The following KMT2C variants were observed in gnomAD, a reference collection of about 807,000 sequenced individuals.
KMT2C encodes the protein histone-lysine N-methyltransferase 2C.
Under a neutral mutation model 507.9 loss-of-function variants are expected in KMT2C, and 88 were observed. The observed-to-expected ratio is 0.17, with a 90% CI of 0.15 to 0.21. KMT2C has a LOEUF of 0.21. Among genes scored for constraint, KMT2C ranks in the 10% least tolerant of loss-of-function variants. KMT2C has a pLI of 1.00. For synonymous variants in KMT2C, 2,049 were observed against 2,080.8 expected (o/e 0.98, Z 0.42); for missense variants, 4,954 against 5,957.8 (o/e 0.83, Z 5.55).
At chr7:152,214,180 A>C (rs957647936) in intron 23 of KMT2C, among the ~76,000 whole-genome samples, 1 of 151,956 alleles carries the variant, frequency 6.6e-6, no homozygotes, top group Non-Finnish European at 1.5e-5. Flanking sequence ...AAAAAAAAAA[A>C]CTACCACCAT....
At chr7:152,157,270 G>A (rs952316845) in intron 44 of KMT2C, among the ~76,000 whole-genome samples, 1 of 150,484 alleles carries the variant, frequency 6.6e-6, no homozygotes, top group Non-Finnish European at 1.5e-5. Flanking sequence ...AGAGATTGCA[G>A]GGAGCTGAGA....
intron 33 of KMT2C, 75 bp downstream of exon 33, chr7:152,187,187 T>C (rs1428820719): frequency 2.3e-5 from 27 of 1,173,512 alleles, no homozygotes; most frequent in South Asian, 6.5e-5. Flanking sequence ...TACCTTTCTA[T>C]TGCAGTTAAA....
At chr7:152,150,164 T>C (rs565757353) in intron 51 of KMT2C, among the ~76,000 whole-genome samples, 28 of 152,298 alleles carry the variant, frequency 1.8e-4, no homozygotes, top group Non-Finnish European at 3.7e-4. Context: ...TATCAACCAT[T>C]AGTTGGACAC....
In KMT2C at chr7:152,163,242, C is replaced by CCTA. The variant is rs1381682036; in HGVS notation, c.10332_10334dup (p.Ser3444dup). 1.2e-6 allele frequency: 2 copies of CCTA among 1,614,022 alleles called. No individual in the cohort carries two copies. Among genetic ancestry groups the CCTA allele is most frequent in the East Asian group, 2.2e-5 (1 of 44,898 alleles). ...AGAAGGGAATCTGGGACACAGATGT[C>CCTA]CTACTACTACTTATCTCAGAGCCCA... On this transcript the variant is annotated inframe_insertion, in exon 43 of 59. Transcript: ENST00000262189.
chr7:152,148,630 C>T lies in KMT2C; in HGVS notation c.13297G>A (p.Ala4433Thr), dbSNP rs759582255. Residue 4433 changes from alanine to threonine, a missense_variant, in exon 52 of 59, where the codon GCT (alanine) becomes ACT (threonine). By Grantham distance (58) the Ala-to-Thr change is moderately conservative. Transcript: ENST00000262189. This position sits in a 1 kb window ranked among gnomAD's most constrained non-coding sequence, Gnocchi z 7.1. ...TCATAGACCTCCGTGGACCACAGAG[C>T]GCAGTTCAAGTGGACCCACAGATCC... ...DLDLWVHLNC[A>T]LWSTEVYETQ... 3 of 1,614,044 alleles carry T rather than the reference C, an allele frequency of 1.9e-6. No homozygotes were observed. The highest frequency in any genetic ancestry group is 2.7e-5 in the African/African-American group (2 of 74,910).
At chr7:152,204,590 CCTAGATAGATAGATAG>C (rs1395997393) in intron 25 of KMT2C, among the ~76,000 whole-genome samples, 4 of 116,262 alleles carry the variant, frequency 3.4e-5, no homozygotes, top group Non-Finnish European at 7.1e-5. Flanking sequence ...TAGTGAGACC[CCTAGATAGATAGATAG>C]ATAGATAGAT....
intron 34 of KMT2C, among the ~76,000 whole-genome samples, chr7:152,185,045 C>T (rs1435159719): frequency 6.6e-6 from 1 of 152,236 alleles, no homozygotes; most frequent in Non-Finnish European, 1.5e-5. Flanking sequence ...GTGTGGGTCA[C>T]TGTGCCTGGC....
Position 152,181,005 on chromosome 7 carries a change from G to A in KMT2C, c.6855C>T (p.Asp2285=), listed in dbSNP as rs376757060. 28 of 1,614,042 alleles carry A rather than the reference G, an allele frequency of 1.7e-5. No homozygotes were observed. The highest frequency in any genetic ancestry group is 2.3e-5 in the Non-Finnish European group (27 of 1,180,042). Residue 2285 remains aspartate (D), a synonymous_variant, in exon 36 of 59, where the codon GAC becomes GAT. Transcript: ENST00000262189. ...TPRPPGPGLS[D]TFSRVSPSAA... ...CAGATGGGGAAACACGGCTAAATGT[G>A]TCTGAAAGACCAGGTCCAGGGGGCC...
intron 6 of KMT2C, among the ~76,000 whole-genome samples, chr7:152,306,548 T>C (rs1006386220): frequency 6.6e-6 from 1 of 152,198 alleles, no homozygotes; most frequent in Non-Finnish European, 1.5e-5. Flanking sequence ...TTCCAATATT[T>C]CGCAAATTAA....
chr7:152,359,021 T>C (rs753244355), intron 1 of KMT2C, among the ~76,000 whole-genome samples: 2 of 152,208 alleles, frequency 1.3e-5, no homozygotes, highest in Non-Finnish European at 2.9e-5. Flanking sequence ...CATAATGGGT[T>C]CTTCACAAAG....
intron 1 of KMT2C, among the ~76,000 whole-genome samples, chr7:152,373,261 C>A (rs2097305211): frequency 6.6e-6 from 1 of 152,150 alleles, no homozygotes; most frequent in Admixed American, 6.6e-5. Context: ...ATTACTGTCT[C>A]TTTAGCTGTA....
rs748067955 is a variant in KMT2C, at chr7:152,176,648, C to T, written c.8805G>A (p.Ser2935=). The T allele has an allele frequency of 6.2e-6, 10 of 1,613,972 alleles. No homozygotes were observed. Among genetic ancestry groups the T allele is most frequent in the South Asian group, 5.5e-5 (5 of 91,076 alleles). The change falls in exon 38 of 59, where the codon TCG becomes TCA. Residue 2935 remains serine (S), a synonymous_variant. Coordinates refer to ENST00000262189, the MANE Select transcript of KMT2C (RefSeq NM_170606.3). ...GCAGAGTTGGTGGTGGTGGAGACCCCGATGGCCTAATGTCTGAATTATCAG... is the reference window on the plus strand; with the variant it reads ...GCAGAGTTGGTGGTGGTGGAGACCCTGATGGCCTAATGTCTGAATTATCAG... ...EKSDNSDIRP[S]GSPPPPTLPA...
chr7:152,177,040 C>T lies in KMT2C; in HGVS notation c.8413G>A (p.Val2805Ile), dbSNP rs2129114103. Residue 2805 changes from valine (V) to isoleucine (I), a missense_variant, in exon 38 of 59, where the codon GTT becomes ATT. Physicochemically the swap from Val to Ile is conservative, Grantham distance 29. Around this residue, in one of 29 missense-constraint regions of KMT2C, gnomAD observed 1,689 missense variants for 1,654.3 expected, o/e 1.02. Transcript: ENST00000262189. ...KKKEQENKTLVLSDKHSPQKK... is the reference protein window; with the variant it reads ...KKKEQENKTLILSDKHSPQKK... ...TGTGGTGAATGTTTATCAGAGAGAA[C>T]CAGAGTTTTGTTTTCTTGTTCCTTT... is the stretch of plus-strand genomic sequence containing the variant. 1.2e-6 allele frequency: 2 copies of T among 1,612,986 alleles called. No homozygotes were observed. Among genetic ancestry groups the T allele is most frequent in the Non-Finnish European group, 1.7e-6 (2 of 1,179,832 alleles).
intron 9 of KMT2C, among the ~76,000 whole-genome samples, chr7:152,254,370 A>C (rs1354646156): frequency 6.6e-6 from 1 of 152,234 alleles, no homozygotes; most frequent in Non-Finnish European, 1.5e-5. Context: ...CACATTAAGA[A>C]AATAATAACT....
intron 16 of KMT2C, 43 bp downstream of exon 16, chr7:152,235,770 TTAAC>T (rs1288845225): frequency 1.6e-6 from 2 of 1,224,964 alleles, no homozygotes; most frequent in Non-Finnish European, 1.2e-6. Flanking sequence ...ATTTTCATCA[TTAAC>T]TGACATTTAG....
chr7:152,355,414 TAG>T (rs2097143611), intron 2 of KMT2C, among the ~76,000 whole-genome samples: 1 of 152,150 alleles, frequency 6.6e-6, no homozygotes, highest in African/African-American at 2.4e-5. Flanking sequence ...GACGTAATTT[TAG>T]AGTCATTAGC....
At chr7:152,358,285 C>T (rs1233438093) in intron 2 of KMT2C, among the ~76,000 whole-genome samples, 1 of 151,982 alleles carries the variant, frequency 6.6e-6, no homozygotes, top group Non-Finnish European at 1.5e-5. Context: ...CCAGAATATA[C>T]TATGAGCGAT....
chr7:152,342,562 A>G (rs1468438561), intron 2 of KMT2C, among the ~76,000 whole-genome samples: 2 of 152,236 alleles, frequency 1.3e-5, no homozygotes, highest in African/African-American at 4.8e-5. Context: ...AGGAATAGAC[A>G]TGAATCACAA....
intron 6 of KMT2C, among the ~76,000 whole-genome samples, chr7:152,297,060 AGAGAGAG>A (rs1563767761): frequency 7.3e-4 from 71 of 97,578 alleles, no homozygotes; most frequent in African/African-American, 3.7e-3. Context: ...AAAGACAGAG[AGAGAGAG>A]AGAGAGAGAG....
Sources: allele counts gnomAD v4.1 joint callset (sites outside exome capture counted in the v4.1 genomes callset), GRCh38; gene constraint gnomAD v4.1.1; regional missense constraint gnomAD v4.1.1; non-coding constraint Gnocchi (gnomAD v3.1); transcripts MANE v1.5; gene names NCBI Gene and HGNC (gene_info 2026-07-23, HGNC 2026-07-21).